The following REL variants were observed in gnomAD, a reference collection of about 807,000 sequenced individuals.
REL encodes the protein REL proto-oncogene, NF-kB subunit.
In REL, 15 loss-of-function variants were observed where a neutral mutation model predicts 45.9. That is an observed-to-expected ratio of 0.33 (90% CI 0.22 to 0.50). The LOEUF is 0.50. Among genes scored for constraint, REL ranks in the 20% least tolerant of loss-of-function variants. The pLI, the probability that REL is intolerant of heterozygous loss-of-function variation, is 0.98. For synonymous variants in REL, 239 were observed against 242.1 expected (o/e 0.99, Z 0.12); for missense variants, 601 against 715.2 (o/e 0.84, Z 1.82).
At chr2:60,897,001 A>G (rs1380050217) in intron 3 of REL, among the ~76,000 whole-genome samples, 1 of 152,228 alleles carries the variant, frequency 6.6e-6, no homozygotes, top group Non-Finnish European at 1.5e-5. Context: ...GTATAACTCT[A>G]AAAATATCCC....
intron 4 of REL, among the ~76,000 whole-genome samples, chr2:60,904,580 T>A (rs1170555608): frequency 3.5e-5 from 5 of 141,138 alleles, no homozygotes; most frequent in Non-Finnish European, 6.1e-5. Context: ...TCAAAAAAAA[T>A]AATTAAAAAA....
At position 60,924,189 on chromosome 2, in the gene REL, T is replaced by C. The variant is rs1674214575; in HGVS notation, c.*1654T>C. ...CGTCCTTGAATATATACATCAGCAT[T>C]CCCTTTCCCCCCTGCTTTATGTATG... On this transcript the variant is annotated 3_prime_UTR_variant, in exon 10 of 10. Coordinates refer to ENST00000394479, the MANE Select transcript of REL (RefSeq NM_001291746.2). The C allele has an allele frequency of 8.7e-6, 2 of 230,294 alleles. No homozygotes were observed. The highest frequency in any genetic ancestry group is 2.2e-5 in the African/African-American group (1 of 45,180). 14.3% of individuals were successfully genotyped at this position (230,294 alleles called of 1,614,324 possible). A position where few individuals can be genotyped will look rare whatever the true frequency, so the allele number is the denominator to read the frequency against.
At chr2:60,910,782 C>T (rs767270337) in intron 4 of REL, among the ~76,000 whole-genome samples, 3 of 151,696 alleles carry the variant, frequency 2.0e-5, no homozygotes, top group Non-Finnish European at 2.9e-5. Flanking sequence ...AAATACAAAA[C>T]TTAGCCAGGC....
chr2:60,921,703 G>C, intron 9 of REL, 60 bp from the exon 10 acceptor site: 22 of 1,433,694 alleles, frequency 1.5e-5, no homozygotes, highest in Non-Finnish European at 2.1e-5. Flanking sequence ...TTTTAATTTA[G>C]AAATGCTTTT....
chr2:60,901,018 T>C lies in REL; in HGVS notation c.329T>C (p.Val110Ala). 6.2e-7 allele frequency: 1 copy of C among 1,610,582 alleles called. No homozygotes were observed. Among genetic ancestry groups the C allele is most frequent in the South Asian group, 1.1e-5 (1 of 90,112 alleles). Reference sequence around the variant, plus strand: ...TTCCAAAATTTGGGTATTCGATGTGTGAAGAAAAAAGAAGTAAAAGAAGCT... The same window carrying C: ...TTCCAAAATTTGGGTATTCGATGTGCGAAGAAAAAAGAAGTAAAAGAAGCT... ...LFFQNLGIRC[V>A]KKKEVKEAII... Residue 110 changes from valine to alanine, a missense_variant, in exon 4 of 10, where the codon GTG (valine) becomes GCG (alanine). Transcript: ENST00000394479.
intron 4 of REL, among the ~76,000 whole-genome samples, chr2:60,912,046 A>G (rs1673832344): frequency 6.6e-6 from 1 of 151,566 alleles, no homozygotes; most frequent in Admixed American, 6.6e-5. Flanking sequence ...TGATAAGTAG[A>G]TTCAATGCAA....
chr2:60,901,065 G>A lies in REL; in HGVS notation c.376G>A (p.Gly126Arg). 2 of 1,603,712 alleles carry A rather than the reference G, an allele frequency of 1.2e-6. No homozygotes were observed. The highest frequency in any genetic ancestry group is 1.7e-6 in the Non-Finnish European group (2 of 1,175,682). ...KEAIITRIKAGINPFNVPEKQ... is the reference protein window; with the variant it reads ...KEAIITRIKARINPFNVPEKQ... ...AGCTATTATTACAAGAATAAAGGCA[G>A]GAATCAATCCATTCAATGGTAAGTA... is the stretch of plus-strand genomic sequence containing the variant. The change falls in exon 4 of 10, where the codon GGA becomes AGA. Residue 126 changes from glycine to arginine, a missense_variant. Coordinates refer to ENST00000394479, the MANE Select transcript of REL (RefSeq NM_001291746.2).
At position 60,929,214 on chromosome 2, in the gene REL, CT is replaced by C. The variant is rs996028644; in HGVS notation, c.*6680del. ...GTGGAGAAATAGGAACACTTTTACA[CT>C]GTTGGTGGGACTGTAAACTAGTTCA... On this transcript the variant is annotated 3_prime_UTR_variant, in exon 10 of 10. Transcript: ENST00000394479. The C allele has an allele frequency of 4.1e-4, 62 of 149,902 alleles. No individual in the cohort carries two copies. The highest frequency in any genetic ancestry group is 1.4e-3 in the African/African-American group (58 of 40,546). 9.3% of individuals were successfully genotyped at this position (149,902 alleles called of 1,614,324 possible).
intron 3 of REL, chr2:60,899,819 A>G (rs1399292009): frequency 1.3e-5 from 2 of 152,398 alleles, no homozygotes; most frequent in East Asian, 3.7e-4. Flanking sequence ...AATTAGTAGT[A>G]TTTGTAGCTA....
rs1011891941 is a variant in REL at position 60,931,183 on chromosome 2, C to T, written c.*8648C>T. The T allele has an allele frequency of 6.6e-6, 1 of 152,312 alleles. No individual in the cohort carries two copies. Among genetic ancestry groups the T allele is most frequent in the Admixed American group, 6.5e-5 (1 of 15,276 alleles). The allele number at this position is 152,312 out of a possible 1,614,324, so 9.4% of individuals were successfully genotyped here. On this transcript the variant is annotated 3_prime_UTR_variant, in exon 10 of 10. Transcript: ENST00000394479. ...ATTAGCTAATAATGTTGGTCACTGT[C>T]TCACAGTTCAAGTAGCTTTAAGATG...
At chr2:60,910,135 T>C (rs1478022051) in intron 4 of REL, among the ~76,000 whole-genome samples, 1 of 150,764 alleles carries the variant, frequency 6.6e-6, no homozygotes, top group Non-Finnish European at 1.5e-5. Context: ...GTTAAAGGAG[T>C]GATATTTCTT....
intron 4 of REL, among the ~76,000 whole-genome samples, chr2:60,903,397 G>C (rs1673551423): frequency 6.6e-6 from 1 of 152,120 alleles, no homozygotes; most frequent in Non-Finnish European, 1.5e-5. Context: ...TCAGAATCAG[G>C]CTTGTTTTTT....
chr2:60,911,888 C>T (rs1673825169), intron 4 of REL, among the ~76,000 whole-genome samples: 2 of 150,684 alleles, frequency 1.3e-5, no homozygotes, highest in South Asian at 2.1e-4. Context: ...GTCCCAGCTA[C>T]TCGGGAGGCT....
Position 60,921,756 on chromosome 2 carries a change from C to G in REL, c.992-7C>G, listed in dbSNP as rs142878172. The G allele has an allele frequency of 2.4e-5, 37 of 1,562,010 alleles. No individual in the cohort carries two copies. Among genetic ancestry groups the G allele is most frequent in the Non-Finnish European group, 3.1e-5 (36 of 1,153,360 alleles). ...TAATTTCGTAAAATAAATTTTTCCT[C>G]CCACAGAACCAAACTTGTTTTCTCA... On this transcript the variant is annotated splice_polypyrimidine_tract_variant and splice_region_variant and intron_variant, in intron 9 of 9. Transcript: ENST00000394479.
chr2:60,914,153 T>A (rs942947401), intron 4 of REL, among the ~76,000 whole-genome samples: 2 of 152,188 alleles, frequency 1.3e-5, no homozygotes, highest in Non-Finnish European at 2.9e-5. Context: ...ATAGGTCAAG[T>A]CTTGCACTGA....
chr2:60,884,305 T>C (rs1412534758), intron 1 of REL, among the ~76,000 whole-genome samples: 1 of 152,034 alleles, frequency 6.6e-6, no homozygotes, highest in Non-Finnish European at 1.5e-5. Context: ...GTAACATAAA[T>C]CATAATCTTA....
chr2:60,898,335 A>G (rs772681480), intron 3 of REL, among the ~76,000 whole-genome samples: 5 of 152,224 alleles, frequency 3.3e-5, no homozygotes, highest in Non-Finnish European at 5.9e-5. Flanking sequence ...TAAGGCCCAC[A>G]TGACCCACCT....
chr2:60,895,059 A>G (rs539289965), intron 3 of REL, among the ~76,000 whole-genome samples: 135 of 150,192 alleles, frequency 9.0e-4, no homozygotes, highest in African/African-American at 3.0e-3. Context: ...GGGTTTCTCC[A>G]TGTTGGTCAG....
At chr2:60,902,570 G>A (rs1007628588) in intron 4 of REL, among the ~76,000 whole-genome samples, 11 of 145,772 alleles carry the variant, frequency 7.5e-5, no homozygotes, top group Admixed American at 6.1e-4. Context: ...TGTTTGGGTA[G>A]AACATAATTT....
Sources: gnomAD v4.1 joint callset for allele counts (sites outside exome capture counted in the v4.1 genomes callset) on GRCh38, gnomAD v4.1.1 for gene constraint, MANE v1.5 for transcripts, NCBI Gene and HGNC (gene_info 2026-07-23, HGNC 2026-07-21) for gene names.